ZDHHC11B: variants seen among roughly 807,000 people sequenced by gnomAD.
The protein encoded by ZDHHC11B is zDHHC palmitoyltransferase 11B (putative), also known as probable palmitoyltransferase ZDHHC11B.
A neutral mutation model predicts 42.3 loss-of-function variants in ZDHHC11B; 17 were observed. The ratio of observed to expected loss-of-function variants is 0.40; its 90% confidence interval spans 0.27 to 0.60. ZDHHC11B has a LOEUF of 0.60. Among genes scored for constraint, ZDHHC11B ranks in the 20% least tolerant of loss-of-function variants. ZDHHC11B has a pLI of 0.41. For missense variants in ZDHHC11B, 262 were observed against 463.2 expected (o/e 0.57, Z 3.99); for synonymous variants, 123 against 193.5 (o/e 0.64, Z 3.02).
Position 745,820 on chromosome 5 carries a change from G to A in ZDHHC11B, c.785-522C>T, listed in dbSNP as rs1034013952. ...CAGTCGGAGGACCACGCAGTGGGGC[G>A]ACCACCCCGAGGTGCTGGCTAGCGG... On this transcript the variant is annotated intron_variant, in intron 8 of 13. Coordinates refer to ENST00000508859, the MANE Select transcript of ZDHHC11B (RefSeq NM_001351303.2). Among the ~76,000 whole-genome samples the A allele has an allele frequency of 6.7e-5, 10 of 149,832 alleles. 1 individual carries two copies. The highest frequency in any genetic ancestry group is 4.5e-4 in the South Asian group (2 of 4,492).
At chr5:749,995 C>A (rs544387700) in intron 7 of ZDHHC11B, among the ~76,000 whole-genome samples, 134 of 114,540 alleles carry the variant, frequency 1.2e-3, no homozygotes, top group African/African-American at 4.0e-3. Flanking sequence ...GGGACTTCCA[C>A]GTGGAGCTGG....
At chr5:765,709 C>A (rs566460614) in intron 4 of ZDHHC11B, among the ~76,000 whole-genome samples, 6 of 151,910 alleles carry the variant, frequency 3.9e-5, no homozygotes, top group Non-Finnish European at 8.8e-5. Flanking sequence ...CTCTAACACT[C>A]GCAGTGAAGG....
intron 12 of ZDHHC11B, among the ~76,000 whole-genome samples, chr5:726,236 T>G (rs1450778212): frequency 1.3e-5 from 2 of 151,618 alleles, no homozygotes; most frequent in Non-Finnish European, 2.9e-5. Flanking sequence ...TGGCAAAGCG[T>G]GACATGATTT....
intron 6 of ZDHHC11B, among the ~76,000 whole-genome samples, chr5:752,623 G>A (rs1408844385): frequency 1.0e-5 from 1 of 96,722 alleles, no homozygotes; most frequent in Non-Finnish European, 2.5e-5. Context: ...CGAAGACGCA[G>A]TTAGGGCACA....
intron 9 of ZDHHC11B, among the ~76,000 whole-genome samples, chr5:743,029 G>A (rs1418528811): frequency 2.0e-5 from 3 of 149,850 alleles, no homozygotes; most frequent in African/African-American, 7.3e-5. Context: ...AAGTGATCCT[G>A]GGTAATCTTT....
In ZDHHC11B at chr5:732,917, T is replaced by C. The variant is rs200772524; in HGVS notation, c.1023+835A>G. 2.0e-5 allele frequency among the ~76,000 whole-genome samples: 3 copies of C among 151,840 alleles called. 1 individual carries two copies. The highest frequency in any genetic ancestry group is 2.1e-4 in the South Asian group (1 of 4,806). On this transcript the variant is annotated intron_variant, in intron 11 of 13. Coordinates refer to ENST00000508859, the MANE Select transcript of ZDHHC11B (RefSeq NM_001351303.2). ...AAAAACAAAAAATAAATTGGCTGGG[T>C]GTGGTGGCACACACCTGTACTTTCG... is the stretch of plus-strand genomic sequence containing the variant.
At chr5:773,839 G>A (rs1736249942) in intron 1 of ZDHHC11B, among the ~76,000 whole-genome samples, 1 of 151,784 alleles carries the variant, frequency 6.6e-6, no homozygotes, top group African/African-American at 2.4e-5. Flanking sequence ...CACACCTGCA[G>A]CACCTCCCCA....
Position 717,891 on chromosome 5 carries a change from C to T in ZDHHC11B, c.1059-1026G>A, listed in dbSNP as rs577712292. Among the ~76,000 whole-genome samples, 72 of 151,714 alleles carry T rather than the reference C, an allele frequency of 4.7e-4. 2 individuals carry two copies. Among genetic ancestry groups the T allele is most frequent in the African/African-American group, 1.7e-3 (68 of 41,208 alleles). ...AGCGGCCAGGCAGTGACTGCTGCTG[C>T]AAAACTTCCCAAACTATAGGCAACA... is the stretch of plus-strand genomic sequence containing the variant. On this transcript the variant is annotated intron_variant, in intron 12 of 13. Transcript: ENST00000508859.
intron 1 of ZDHHC11B, among the ~76,000 whole-genome samples, chr5:780,905 C>T (rs1308960368): frequency 7.9e-5 from 12 of 151,304 alleles, no homozygotes; most frequent in South Asian, 6.3e-4. Flanking sequence ...AGAGGGTGGA[C>T]GCCCCAGAAG....
intron 4 of ZDHHC11B, among the ~76,000 whole-genome samples, chr5:759,076 A>T (rs935806828): frequency 3.3e-5 from 5 of 151,878 alleles, no homozygotes; most frequent in Non-Finnish European, 7.4e-5. Flanking sequence ...TTTATGTTCC[A>T]ATGAGCAATA....
At chr5:737,094 G>T (rs1266228355) in intron 10 of ZDHHC11B, among the ~76,000 whole-genome samples, 4 of 149,530 alleles carry the variant, frequency 2.7e-5, no homozygotes, top group Admixed American at 6.8e-5. Flanking sequence ...AAAAAGAAAA[G>T]ATCCAAATAA....
At chr5:751,464 GAGGCAGGGGCGGGGGCATGCA>G (rs1745706771) in intron 6 of ZDHHC11B, among the ~76,000 whole-genome samples, 1 of 28,190 alleles carries the variant, frequency 3.5e-5, no homozygotes, top group African/African-American at 1.0e-4. Flanking sequence ...CAGGGCATCT[GAGGCAGGGGCGGGGGCATGCA>G]GGGCAGGTGG....
At chr5:771,486 A>T (rs1736036220) in intron 1 of ZDHHC11B, among the ~76,000 whole-genome samples, 1 of 81,940 alleles carries the variant, frequency 1.2e-5, no homozygotes. Flanking sequence ...GCGTGGGGGC[A>T]GGATCCTGGT....
intron 4 of ZDHHC11B, among the ~76,000 whole-genome samples, chr5:766,208 T>G (rs373249436): frequency 1.3e-5 from 2 of 151,698 alleles, no homozygotes; most frequent in Non-Finnish European, 2.9e-5. Context: ...CCCCGCCTGA[T>G]GGGAGGTGAG....
intron 13 of ZDHHC11B, among the ~76,000 whole-genome samples, chr5:715,368 A>G (rs1213371397): frequency 6.6e-6 from 1 of 151,096 alleles, no homozygotes; most frequent in Non-Finnish European, 1.5e-5. Flanking sequence ...GTTCCACACA[A>G]AGGAAATGGT....
At chr5:712,680 C>A (rs1181411721) in intron 13 of ZDHHC11B, among the ~76,000 whole-genome samples, 1 of 150,838 alleles carries the variant, frequency 6.6e-6, no homozygotes, top group Non-Finnish European at 1.5e-5. Flanking sequence ...GAGTCCGAGG[C>A]GGGTGGATCA....
chr5:747,764 A>G (rs1745024686), intron 8 of ZDHHC11B: 1 of 179,364 alleles, frequency 5.6e-6, no homozygotes, highest in Admixed American at 6.4e-5. Flanking sequence ...CGGGGCCACC[A>G]CTGCCCAGAG....
intron 4 of ZDHHC11B, among the ~76,000 whole-genome samples, chr5:757,733 A>C (rs1204815992): frequency 1.3e-5 from 2 of 151,548 alleles, no homozygotes; most frequent in Non-Finnish European, 3.0e-5. Context: ...TGGGGAGGAG[A>C]CTCTGTGTGT....
chr5:758,773 C>T (rs370162448), intron 4 of ZDHHC11B, among the ~76,000 whole-genome samples: 7 of 152,016 alleles, frequency 4.6e-5, no homozygotes, highest in Non-Finnish European at 8.8e-5. Context: ...AATCTTTCAC[C>T]GCACACTAGG....
Sources: gnomAD v4.1 joint callset for allele counts (sites outside exome capture counted in the v4.1 genomes callset) on GRCh38, gnomAD v4.1.1 for gene constraint, MANE v1.5 for transcripts, NCBI Gene and HGNC (gene_info 2026-07-23, HGNC 2026-07-21) for gene names.